The following GRID1 variants were observed in gnomAD, a reference collection of about 807,000 sequenced individuals.
GRID1 encodes glutamate receptor ionotropic, delta-1.
Under a neutral mutation model 98.0 loss-of-function variants are expected in GRID1, and 28 were observed. The observed-to-expected ratio is 0.29, with a 90% CI of 0.21 to 0.39. GRID1 has a LOEUF of 0.39. Ranked by LOEUF, GRID1 falls within the 10% of genes least tolerant of loss-of-function variation. GRID1 has a pLI of 1.00. For synonymous variants in GRID1, 553 were observed against 538.5 expected (o/e 1.03, Z -0.37); for missense variants, 1,111 against 1,340.5 (o/e 0.83, Z 2.67).
At chr10:85,805,453 C>T (rs1422389869) in intron 8 of GRID1, among the ~76,000 whole-genome samples, 1 of 151,626 alleles carries the variant, frequency 6.6e-6, no homozygotes, top group Non-Finnish European at 1.5e-5. Flanking sequence ...TAACAATCCC[C>T]CCCAAAAAAT....
chr10:85,937,141 T>C (rs1841937414), intron 4 of GRID1, among the ~76,000 whole-genome samples: 1 of 152,148 alleles, frequency 6.6e-6, no homozygotes, highest in Non-Finnish European at 1.5e-5. Flanking sequence ...CTTCAGAAAA[T>C]CCCAGTGTCC....
At chr10:86,256,354 T>C (rs1445081680) in intron 2 of GRID1, among the ~76,000 whole-genome samples, 1 of 152,138 alleles carries the variant, frequency 6.6e-6, no homozygotes, top group Admixed American at 6.6e-5. Context: ...AATCCCAGCA[T>C]TTCAGGAGGC....
At chr10:85,979,741 C>T (rs1842521239) in intron 4 of GRID1, among the ~76,000 whole-genome samples, 1 of 152,208 alleles carries the variant, frequency 6.6e-6, no homozygotes, top group Non-Finnish European at 1.5e-5. Context: ...GGACATAACT[C>T]AGTCCATAAC....
chr10:86,033,143 C>T (rs930471606), intron 4 of GRID1, among the ~76,000 whole-genome samples: 9 of 152,032 alleles, frequency 5.9e-5, no homozygotes, highest in East Asian at 3.9e-4. Flanking sequence ...TCTTCAGTAA[C>T]GAATTGCCTC....
At position 85,890,531 on chromosome 10, in the gene GRID1, C is replaced by A. The variant is rs75786979; in HGVS notation, c.781-21351G>T. Among the ~76,000 whole-genome samples the A allele has an allele frequency of 4.1e-3, 627 of 152,242 alleles. 4 individuals carry two copies. Among genetic ancestry groups the A allele is most frequent in the Non-Finnish European group, 5.8e-3 (394 of 68,030 alleles). ...ATCTTTTGGTCATTCACTGTATATA[C>A]CCACAATTTTCATTTAGTTCAGGAC... is the stretch of plus-strand genomic sequence containing the variant. On this transcript the variant is annotated intron_variant, in intron 5 of 15. Transcript: ENST00000327946.
intron 12 of GRID1, among the ~76,000 whole-genome samples, chr10:85,667,228 G>C (rs955621342): frequency 2.0e-5 from 3 of 151,922 alleles, no homozygotes; most frequent in African/African-American, 7.3e-5. Context: ...TCTTCTTCCT[G>C]GGAAAAATTT....
rs918811013 is a variant in GRID1, at chr10:85,601,392, C to T, written c.*881G>A. On this transcript the variant is annotated 3_prime_UTR_variant, in exon 16 of 16. Transcript: ENST00000327946. Reference sequence around the variant, plus strand: ...CTAACCCCACCTCGCAACTCCCTGCCCCCATGGACCTTCTTCCAGACCAAC... The same window carrying T: ...CTAACCCCACCTCGCAACTCCCTGCTCCCATGGACCTTCTTCCAGACCAAC... 1 of 152,286 alleles carries T rather than the reference C, an allele frequency of 6.6e-6. No individual in the cohort carries two copies. Among genetic ancestry groups the T allele is most frequent in the Non-Finnish European group, 1.5e-5 (1 of 68,102 alleles). 9.4% of individuals were successfully genotyped at this position (152,286 alleles called of 1,614,324 possible). A position where few individuals can be genotyped will look rare whatever the true frequency, so the allele number is the denominator to read the frequency against.
chr10:85,668,178 T>A (rs1564553705), intron 12 of GRID1, among the ~76,000 whole-genome samples: 2 of 152,160 alleles, frequency 1.3e-5, no homozygotes, highest in Non-Finnish European at 2.9e-5. Context: ...CGGAGAGGGA[T>A]CCCAGGGAAG....
chr10:85,757,861 A>G lies in GRID1; in HGVS notation c.1234-28247T>C, dbSNP rs546883543. Among the ~76,000 whole-genome samples the G allele has an allele frequency of 9.8e-5, 15 of 152,360 alleles. No homozygotes were observed. The South Asian group carries it at 3.1e-3, about 32-fold the overall frequency. On this transcript the variant is annotated intron_variant, in intron 8 of 15. Coordinates refer to ENST00000327946, the MANE Select transcript of GRID1 (RefSeq NM_017551.3). ...TAAAAAGGGTCTGGTACATTCTTGG[A>G]GTTCAGTAAATATTGCAGCATGCTG...
intron 3 of GRID1, among the ~76,000 whole-genome samples, chr10:86,159,963 C>T (rs188634624): frequency 6.6e-6 from 1 of 152,176 alleles, no homozygotes; most frequent in African/African-American, 2.4e-5. Flanking sequence ...TTCACCATCA[C>T]CTTCATCATC....
At chr10:85,825,438 C>A (rs954054083) in intron 8 of GRID1, among the ~76,000 whole-genome samples, 1 of 151,310 alleles carries the variant, frequency 6.6e-6, no homozygotes, top group African/African-American at 2.4e-5. Flanking sequence ...GGATATTAGT[C>A]ATTTGTCAGA....
intron 2 of GRID1, among the ~76,000 whole-genome samples, chr10:86,225,670 G>C (rs569525849): frequency 5.9e-5 from 9 of 152,254 alleles, no homozygotes; most frequent in Admixed American, 5.9e-4. Flanking sequence ...GCCTCAAGTT[G>C]TTGGGGAGAG....
Position 85,729,503 on chromosome 10 carries a change from A to G in GRID1, c.1335+10T>C. 2 of 1,545,288 alleles carry G rather than the reference A, an allele frequency of 1.3e-6. No homozygotes were observed. The highest frequency in any genetic ancestry group is 3.4e-5 in the Admixed American group (2 of 59,686). ...TGTAGCTCGCTCCCAGAATGTCCCC[A>G]TGATCCTACCAAGACAGTCACCACT... On this transcript the variant is annotated intron_variant, in intron 9 of 15. Transcript: ENST00000327946.
intron 3 of GRID1, among the ~76,000 whole-genome samples, chr10:86,173,231 G>A (rs917044101): frequency 2.0e-5 from 3 of 152,106 alleles, no homozygotes; most frequent in Admixed American, 6.6e-5. Flanking sequence ...TAGACACAGG[G>A]TCTTGCTATG....
chr10:85,974,914 G>A (rs1842452773), intron 4 of GRID1, among the ~76,000 whole-genome samples: 2 of 152,202 alleles, frequency 1.3e-5, no homozygotes, highest in South Asian at 2.1e-4. Flanking sequence ...TGTGGGCCAT[G>A]AGCATGGCCT....
At chr10:86,256,082 C>G (rs1846913615) in intron 2 of GRID1, among the ~76,000 whole-genome samples, 1 of 152,130 alleles carries the variant, frequency 6.6e-6, no homozygotes, top group Admixed American at 6.5e-5. Context: ...TTTCCAGACG[C>G]ACAGGTGGGT....
intron 8 of GRID1, among the ~76,000 whole-genome samples, chr10:85,798,689 C>A (rs11819417): frequency 0.089 from 13,539 of 151,846 alleles, 735 homozygotes; most frequent in Middle Eastern, 0.17. Context: ...ATCTCTTGTT[C>A]ATTTTTAAAT....
chr10:86,276,400 A>G (rs1193247604), intron 2 of GRID1, among the ~76,000 whole-genome samples: 1 of 152,186 alleles, frequency 6.6e-6, no homozygotes, highest in East Asian at 1.9e-4. Context: ...CAATGACTCT[A>G]TCTCCAAATA....
intron 8 of GRID1, among the ~76,000 whole-genome samples, chr10:85,781,585 G>A (rs569398972): frequency 6.6e-6 from 1 of 151,634 alleles, no homozygotes; most frequent in Admixed American, 6.5e-5. Flanking sequence ...GGTAACAAGT[G>A]GGTGACTGAG....
Sources: gnomAD v4.1 joint callset for allele counts (sites outside exome capture counted in the v4.1 genomes callset) on GRCh38, gnomAD v4.1.1 for gene constraint, MANE v1.5 for transcripts, NCBI Gene and HGNC (gene_info 2026-07-23, HGNC 2026-07-21) for gene names.